DST: variants seen among roughly 807,000 people sequenced by gnomAD.
DST encodes bullous pemphigoid antigen.
A neutral mutation model predicts 875.2 loss-of-function variants in DST; 253 were observed. That is an observed-to-expected ratio of 0.29 (90% CI 0.26 to 0.32). The LOEUF (loss-of-function observed/expected upper bound fraction) is 0.32, where lower values mean the gene tolerates loss of function less well. DST is among the 10% of genes least tolerant of loss of function. The pLI is 1.00. For synonymous variants in DST, 3,124 were observed against 3,197.1 expected (o/e 0.98, Z 0.77); for missense variants, 8,287 against 9,111.6 (o/e 0.91, Z 3.68).
In DST at chr6:56,553,237, G is replaced by A; in HGVS notation, c.15555C>T (p.Cys5185=). 3 of 1,613,738 alleles carry A rather than the reference G, an allele frequency of 1.9e-6. No individual in the cohort carries two copies. The highest frequency in any genetic ancestry group is 2.2e-5 in the South Asian group (2 of 91,068). Residue 5185 remains cysteine, a synonymous_variant, in exon 61 of 104, where the codon TGC becomes TGT. Transcript: ENST00000680361. ...VETLWPWIDK[C]QNNLEEIKFC... is the part of the protein sequence containing the mutation. ...ATTTTATTTCCTCCAGGTTGTTTTG[G>A]CATTTGTCTATCCATGGCCAGAGAG...
intron 36 of DST, chr6:56,615,146 A>G: frequency 9.3e-7 from 1 of 1,080,416 alleles, no homozygotes; most frequent in Non-Finnish European, 1.1e-6. Flanking sequence ...GTGCTCTTTC[A>G]GCGAGTGCAA....
Position 56,552,829 on chromosome 6 carries a change from T to C in DST, c.15963A>G (p.Ser5321=). 1 of 1,612,974 alleles carries C rather than the reference T, an allele frequency of 6.2e-7. No individual in the cohort carries two copies. Among genetic ancestry groups the C allele is most frequent in the Non-Finnish European group, 8.5e-7 (1 of 1,179,878 alleles). The change falls in exon 61 of 104, where the codon TCA becomes TCG. Residue 5321 remains serine, a synonymous_variant. Transcript: ENST00000680361. ...CTACCTGATGCTTCAAGGCCTGAAGTGATTTCTGCTGAGTTTGCAACATGG... is the reference window on the plus strand; with the variant it reads ...CTACCTGATGCTTCAAGGCCTGAAGCGATTTCTGCTGAGTTTGCAACATGG... ...YLTMLQTQQK[S]LQALKHQVDL... is the part of the protein sequence containing the mutation.
At chr6:56,508,402 C>G (rs2096392001) in intron 75 of DST, 127 bp downstream of exon 75, 2 of 761,452 alleles carry the variant, frequency 2.6e-6, no homozygotes, top group Non-Finnish European at 4.4e-6. Flanking sequence ...TACTGTATCA[C>G]TGCACATTCC....
intron 43 of DST, chr6:56,602,073 C>T (rs1586276492): frequency 2.8e-6 from 1 of 355,516 alleles, no homozygotes; most frequent in East Asian, 9.5e-5. Context: ...ATAAATAATA[C>T]TTTGAGGGAT....
chr6:56,804,812 G>A lies in DST; in HGVS notation c.625+46585C>T, dbSNP rs190289372. 6.6e-4 allele frequency among the ~76,000 whole-genome samples: 101 copies of A among 152,130 alleles called. 1 individual carries two copies. The highest frequency in any genetic ancestry group is 1.5e-3 in the Admixed American group (23 of 15,278). On this transcript the variant is annotated intron_variant, in intron 4 of 103. Transcript: ENST00000680361. ...GATTCATAAAAAGTAGAATCAGCAA[G>A]TTTTGCTACTATAGTGTCATTTCAA...
chr6:56,487,427 G>T (rs1015371582), intron 86 of DST, among the ~76,000 whole-genome samples, 154 bp from the exon 87 acceptor site: 6 of 152,084 alleles, frequency 3.9e-5, no homozygotes, highest in African/African-American at 1.4e-4. Context: ...CTTTACCATG[G>T]TACGAAAGCC....
intron 2 of DST, among the ~76,000 whole-genome samples, chr6:56,924,100 G>C (rs992756950): frequency 1.3e-5 from 2 of 152,082 alleles, no homozygotes; most frequent in African/African-American, 2.4e-5. Context: ...CTCCAGCCCG[G>C]GCGATAGAGC....
intron 39 of DST, among the ~76,000 whole-genome samples, chr6:56,609,797 A>G (rs576769284): frequency 6.6e-6 from 1 of 152,284 alleles, no homozygotes; most frequent in South Asian, 2.1e-4. Flanking sequence ...AAAACTAAGA[A>G]ACTGGAAAAA....
At chr6:56,953,518 T>C (rs977988954) in intron 2 of DST, among the ~76,000 whole-genome samples, 7 of 152,218 alleles carry the variant, frequency 4.6e-5, no homozygotes, top group African/African-American at 9.7e-5. Flanking sequence ...ACATCCACCC[T>C]GTGGCTAAGT....
Position 56,597,910 on chromosome 6 carries a change from T to C in DST, c.12025A>G (p.Thr4009Ala). Residue 4009 changes from threonine (T) to alanine (A), a missense_variant, in exon 47 of 104, where the codon ACA (threonine) becomes GCA (alanine). By Grantham distance (58) the Thr-to-Ala change is moderately conservative (BLOSUM62 0). Coordinates refer to ENST00000680361, the MANE Select transcript of DST (RefSeq NM_001374736.1). ...TGTTCGATTACCTGTTTGTGTTTTG[T>C]CCCTGCCCTTTCTGAGTCTTTGTCA... ...NVDKDSERAG[T>A]KHKQVIEQNG... The C allele has an allele frequency of 6.2e-7, 1 of 1,613,830 alleles. No individual in the cohort carries two copies.
chr6:56,527,898 T>C (rs2096830283), intron 67 of DST, among the ~76,000 whole-genome samples, 164 bp from the exon 68 acceptor site: 1 of 152,174 alleles, frequency 6.6e-6, no homozygotes, highest in Non-Finnish European at 1.5e-5. Context: ...TTTTAATCTT[T>C]CCCAAGATTT....
At chr6:56,500,890 C>T (rs1284171877) in intron 80 of DST, among the ~76,000 whole-genome samples, 190 bp downstream of exon 80, 4 of 152,000 alleles carry the variant, frequency 2.6e-5, no homozygotes, top group Non-Finnish European at 5.9e-5. Context: ...ATATTTTGAC[C>T]ATAATCTTTT....
At chr6:56,872,826 C>G (rs7449832) in intron 3 of DST, among the ~76,000 whole-genome samples, 64 of 102,786 alleles carry the variant, frequency 6.2e-4, no homozygotes, top group African/African-American at 1.7e-3. Context: ...ACTGATTCCC[C>G]CCCCCCTTTT....
Position 56,752,710 on chromosome 6 carries a change from T to G in DST, c.626-17421A>C, listed in dbSNP as rs565436702. Among the ~76,000 whole-genome samples the G allele has an allele frequency of 2.0e-5, 3 of 152,384 alleles. No homozygotes were observed. In the South Asian group the frequency reaches 6.2e-4, roughly 32 times the overall value. ...CTGTATGGACTTACCAGTTTGTTTATTCAATCACCTACTAAGGCTGTTTGG... is the reference window on the plus strand; with the variant it reads ...CTGTATGGACTTACCAGTTTGTTTAGTCAATCACCTACTAAGGCTGTTTGG... On this transcript the variant is annotated intron_variant, in intron 4 of 103. Transcript: ENST00000680361.
intron 2 of DST, among the ~76,000 whole-genome samples, chr6:56,916,753 ATCTCTC>A (rs70989741): frequency 4.9e-4 from 47 of 95,406 alleles, no homozygotes; most frequent in Middle Eastern, 5.2e-3. Flanking sequence ...CTCTCTCTCT[ATCTCTC>A]TCTCTCTCTC....
intron 9 of DST, among the ~76,000 whole-genome samples, chr6:56,697,919 A>G: frequency 6.6e-6 from 1 of 152,184 alleles, no homozygotes; most frequent in Non-Finnish European, 1.5e-5. Context: ...ACTTTACCCA[A>G]TTCTGATAAC....
rs564793193 is a variant in DST, at chr6:56,844,236, A to C, written c.625+7161T>G. 3.3e-3 allele frequency among the ~76,000 whole-genome samples: 508 copies of C among 152,250 alleles called. 4 individuals are homozygous for C. Among genetic ancestry groups the C allele is most frequent in the African/African-American group, 0.012 (493 of 41,574 alleles). On this transcript the variant is annotated intron_variant, in intron 4 of 103. Coordinates refer to ENST00000680361, the MANE Select transcript of DST (RefSeq NM_001374736.1). ...GAGGCCTCTGCAGGTGGCCCCGCGC[A>C]TCAGCGCCTGACAGCCGGGCCGCGC... is the stretch of plus-strand genomic sequence containing the variant.
At chr6:56,942,186 A>G (rs776053656) in intron 2 of DST, among the ~76,000 whole-genome samples, 3 of 152,078 alleles carry the variant, frequency 2.0e-5, no homozygotes, top group Non-Finnish European at 4.4e-5. Flanking sequence ...TTCTCCATCC[A>G]TTCACTTTCA....
intron 4 of DST, among the ~76,000 whole-genome samples, chr6:56,778,423 T>G (rs1187229114): frequency 6.6e-6 from 1 of 151,384 alleles, no homozygotes; most frequent in African/African-American, 2.4e-5. Flanking sequence ...AGGGTACATG[T>G]GCACAACGTG....
Sources: allele counts gnomAD v4.1 joint callset (sites outside exome capture counted in the v4.1 genomes callset), GRCh38; gene constraint gnomAD v4.1.1; transcripts MANE v1.5; gene names NCBI Gene and HGNC (gene_info 2026-07-23, HGNC 2026-07-21).